The following ALOXE3 variants were observed in gnomAD, a reference collection of about 807,000 sequenced individuals.
The protein encoded by ALOXE3 is hydroperoxide isomerase ALOXE3.
ALOXE3 carries 78 observed loss-of-function variants against 87.5 expected under a neutral mutation model. The ratio of observed to expected loss-of-function variants is 0.89; its 90% confidence interval spans 0.74 to 1.08. ALOXE3 has a LOEUF of 1.08. Among genes scored for constraint, ALOXE3 ranks in the 50% least tolerant of loss-of-function variants. The pLI is 0.00. For synonymous variants in ALOXE3, 363 were observed against 370.8 expected (o/e 0.98, Z 0.24); for missense variants, 946 against 912.4 (o/e 1.04, Z -0.47).
intron 8 of ALOXE3, 103 bp downstream of exon 8, chr17:8,111,256 T>C: frequency 6.9e-7 from 1 of 1,450,136 alleles, no homozygotes; most frequent in Non-Finnish European, 9.6e-7. Flanking sequence ...ACAGGTGAAA[T>C]GCAGCCCAGG....
At chr17:8,098,550 T>A (rs901280430) in intron 15 of ALOXE3, among the ~76,000 whole-genome samples, 3 of 152,184 alleles carry the variant, frequency 2.0e-5, no homozygotes, top group African/African-American at 7.2e-5. Context: ...TGAAATATAC[T>A]TCTAATCAAA....
chr17:8,108,831 C>T (rs527378181), intron 12 of ALOXE3, among the ~76,000 whole-genome samples: 64 of 152,134 alleles, frequency 4.2e-4, no homozygotes, highest in African/African-American at 1.4e-3. Flanking sequence ...GGGGAGTGCA[C>T]GAAGAGTCTG....
intron 4 of ALOXE3, 150 bp from the exon 5 acceptor site, chr17:8,115,207 TG>T: frequency 8.9e-7 from 1 of 1,123,476 alleles, no homozygotes; most frequent in Non-Finnish European, 1.3e-6. Context: ...ATGAAAGCAC[TG>T]GCTTCACATA....
At chr17:8,117,083 A>C in intron 2 of ALOXE3, 103 bp from the exon 3 acceptor site, 2 of 1,071,020 alleles carry the variant, frequency 1.9e-6, no homozygotes, top group Non-Finnish European at 2.8e-6. Flanking sequence ...CGGGCATACA[A>C]ACCTGAGCTG....
At chr17:8,114,675 C>T in intron 5 of ALOXE3, 66 bp from the exon 6 acceptor site, 1 of 1,605,252 alleles carries the variant, frequency 6.2e-7, no homozygotes, top group Non-Finnish European at 8.5e-7. Flanking sequence ...CTGCTCAACT[C>T]CTTCCCTCTT....
In ALOXE3 at chr17:8,110,444, C is replaced by T; in HGVS notation, c.1042G>A (p.Ala348Thr). Residue 348 changes from alanine (A) to threonine (T), a missense_variant, in exon 9 of 16, where the codon GCC becomes ACC. Coordinates refer to ENST00000448843, the MANE Select transcript of ALOXE3 (RefSeq NM_021628.3). ...CTGAGCCACAGCAGGCACAGTGGGGCGGCCACGTACTGCTGGCGGCCGTTT... is the reference window on the plus strand; with the variant it reads ...CTGAGCCACAGCAGGCACAGTGGGGTGGCCACGTACTGCTGGCGGCCGTTT... ...CLNGRQQYVA[A>T]PLCLLWLSPQ... The T allele has an allele frequency of 1.9e-6, 3 of 1,612,878 alleles. No individual in the cohort carries two copies. Among genetic ancestry groups the T allele is most frequent in the East Asian group, 4.5e-5 (2 of 44,870 alleles).
At chr17:8,110,711 G>A (rs79791832) in intron 8 of ALOXE3, among the ~76,000 whole-genome samples, 183 bp from the exon 9 acceptor site, 1,855 of 152,284 alleles carry the variant, frequency 0.012, 36 homozygotes, top group African/African-American at 0.041. Context: ...TCCGGAATGA[G>A]GTCCAGCTGA....
intron 15 of ALOXE3, among the ~76,000 whole-genome samples, chr17:8,099,190 C>T (rs776124075): frequency 2.6e-5 from 4 of 151,780 alleles, no homozygotes; most frequent in Admixed American, 6.6e-5. Context: ...ACAGCTAACA[C>T]GTAAGCACTG....
rs773769209 is a variant in ALOXE3, at chr17:8,108,459, A to G, written c.1684+9T>C. ...GAGCTACACGGAAAGTGGGATAGAG[A>G]GGGGATACCTGAGCTTTCCCGGCCC... On this transcript the variant is annotated intron_variant, in intron 13 of 15. Coordinates refer to ENST00000448843, the MANE Select transcript of ALOXE3 (RefSeq NM_021628.3). 3 of 1,612,112 alleles carry G rather than the reference A, an allele frequency of 1.9e-6. No individual in the cohort carries two copies. In the African/African-American group the frequency reaches 4.0e-5, roughly 22 times the overall value.
In ALOXE3 at chr17:8,097,142, A is replaced by AT. The variant is rs147749868; in HGVS notation, c.1957-337dup. ...TGGATGGGTTGAACTAGAAAAAAAA[A>AT]TTTTTGAGGCAAGGTCTCACTCTGT... On this transcript the variant is annotated intron_variant, in intron 15 of 15. Coordinates refer to ENST00000448843, the MANE Select transcript of ALOXE3 (RefSeq NM_021628.3). Among the ~76,000 whole-genome samples, 17 of 152,170 alleles carry AT rather than the reference A, an allele frequency of 1.1e-4. No individual in the cohort carries two copies. The East Asian group carries it at 3.1e-3, about 28-fold the overall frequency.
At position 8,096,623 on chromosome 17, in the gene ALOXE3, G is replaced by T. The variant is rs1978555802; in HGVS notation, c.*4C>A. On this transcript the variant is annotated 3_prime_UTR_variant, in exon 16 of 16. Coordinates refer to ENST00000448843, the MANE Select transcript of ALOXE3 (RefSeq NM_021628.3). ...CTTTCTTCTTGGGTGGTATTTGGGG[G>T]TGGTTAGATGGAGACGCTGTTCTCA... 1.6e-6 allele frequency: 2 copies of T among 1,240,960 alleles called. No homozygotes were observed. Among genetic ancestry groups the T allele is most frequent in the Non-Finnish European group, 2.4e-6 (2 of 839,478 alleles). The allele number at this position is 1,240,960 out of a possible 1,614,324, so 76.9% of individuals were successfully genotyped here.
intron 15 of ALOXE3, among the ~76,000 whole-genome samples, chr17:8,099,270 A>C (rs1030609027): frequency 6.6e-6 from 1 of 152,202 alleles, no homozygotes; most frequent in Non-Finnish European, 1.5e-5. Context: ...TTTAAAGATA[A>C]GGAAATAAGG....
chr17:8,103,293 C>A, intron 15 of ALOXE3, 30 bp downstream of exon 15: 1 of 1,612,500 alleles, frequency 6.2e-7, no homozygotes, highest in South Asian at 1.1e-5. Flanking sequence ...CCTAAAGAAC[C>A]CTACTCCCCT....
intron 15 of ALOXE3, among the ~76,000 whole-genome samples, chr17:8,098,222 C>G (rs1598192286): frequency 8.0e-6 from 1 of 124,550 alleles, no homozygotes; most frequent in Non-Finnish European, 1.7e-5. Flanking sequence ...TTGAAATATA[C>G]TTTTGGTTTT....
intron 12 of ALOXE3, 103 bp downstream of exon 12, chr17:8,109,071 T>C (rs1341465054): frequency 2.6e-6 from 4 of 1,512,518 alleles, no homozygotes; most frequent in African/African-American, 2.8e-5. Flanking sequence ...TATGCTAGGG[T>C]GTGAAAACAC....
chr17:8,106,733 G>C (rs951290354), intron 13 of ALOXE3, among the ~76,000 whole-genome samples: 1 of 152,192 alleles, frequency 6.6e-6, no homozygotes, highest in African/African-American at 2.4e-5. Context: ...GGCTGAGACA[G>C]GAGAATCGCT....
rs121434233 is a variant in ALOXE3, at chr17:8,112,177, G to A, written c.700C>T (p.Arg234Ter). 230 of 1,614,120 alleles carry A rather than the reference G, an allele frequency of 1.4e-4. No individual in the cohort carries two copies. The highest frequency in any genetic ancestry group is 1.7e-4 in the Non-Finnish European group (198 of 1,179,992). ...GAGCCCTTGCGATCCAACAGCCCTCGAAGCTTCATTCCCAAGGACCTGATG... is the reference window on the plus strand; with the variant it reads ...GAGCCCTTGCGATCCAACAGCCCTCAAAGCTTCATTCCCAAGGACCTGATG... ...AIPASLGMKL[R>*]GLLDRKGSWK... The change falls in exon 7 of 16, where the codon CGA becomes TGA. Residue 234 changes from arginine (R) to a stop codon, truncating the protein, a stop_gained. Coordinates refer to ENST00000448843, the MANE Select transcript of ALOXE3 (RefSeq NM_021628.3). LOFTEE classifies it high-confidence loss of function.
intron 1 of ALOXE3, 24 bp from the exon 2 acceptor site, chr17:8,118,327 T>C: frequency 6.4e-7 from 1 of 1,551,736 alleles, no homozygotes; most frequent in South Asian, 1.2e-5. Flanking sequence ...GATCAGATGC[T>C]GAGATGGAGA....
chr17:8,108,422 G>C (rs777744257), intron 13 of ALOXE3, 46 bp downstream of exon 13: 3 of 1,606,000 alleles, frequency 1.9e-6, no homozygotes, highest in Non-Finnish European at 2.6e-6. Flanking sequence ...CCAAGCAAGT[G>C]CTAGCTCATC....
Sources: gnomAD v4.1 joint callset for allele counts (sites outside exome capture counted in the v4.1 genomes callset) on GRCh38, gnomAD v4.1.1 for gene constraint, MANE v1.5 for transcripts, NCBI Gene and HGNC (gene_info 2026-07-23, HGNC 2026-07-21) for gene names.